STIL: variants seen among roughly 807,000 people sequenced by gnomAD.
The protein encoded by STIL is STIL centriolar assembly protein.
In STIL, 55 loss-of-function variants were observed where a neutral mutation model predicts 110.1. That is an observed-to-expected ratio of 0.50 (90% confidence interval 0.40 to 0.63). The LOEUF (loss-of-function observed/expected upper bound fraction) is 0.63, where lower values mean the gene tolerates loss of function less well. Ranked by LOEUF, STIL falls within the 20% of genes least tolerant of loss-of-function variation. The pLI is 0.00. For synonymous variants in STIL, 481 were observed against 530.0 expected (o/e 0.91, Z 1.27); for missense variants, 1,358 against 1,530.0 (o/e 0.89, Z 1.87).
chr1:47,272,018 C>A (rs1644855711), intron 13 of STIL, 58 bp downstream of exon 13: 1 of 1,575,310 alleles, frequency 6.3e-7, no homozygotes, highest in Non-Finnish European at 8.6e-7. Flanking sequence ...ATTCAAAAAC[C>A]AGATATGAAA....
intron 2 of STIL, among the ~76,000 whole-genome samples, chr1:47,305,531 C>T (rs1159129027): frequency 2.6e-5 from 4 of 151,696 alleles, no homozygotes; most frequent in South Asian, 2.1e-4. Flanking sequence ...CAGGTTGAAG[C>T]GATTCTCCAG....
In STIL at chr1:47,263,149, G is replaced by C. The variant is rs764669952; in HGVS notation, c.2616-33C>G. On this transcript the variant is annotated intron_variant, in intron 14 of 16. Coordinates refer to ENST00000371877, the MANE Select transcript of STIL (RefSeq NM_001048166.1). ...GGATATATAATGTGTTAGTCATTGA[G>C]GTACCTTTAACATATAATTGAAATG... The C allele has an allele frequency of 2.5e-6, 4 of 1,581,810 alleles. No individual in the cohort carries two copies. The African/African-American group carries it at 5.4e-5, about 21-fold the overall frequency.
intron 16 of STIL, among the ~76,000 whole-genome samples, chr1:47,259,660 C>G (rs1644429130): frequency 6.6e-6 from 1 of 152,122 alleles, no homozygotes; most frequent in Non-Finnish European, 1.5e-5. Context: ...ATCTTACACT[C>G]TCTTCTGTAT....
At chr1:47,252,870 T>A (rs1644226918) in intron 16 of STIL, among the ~76,000 whole-genome samples, 1 of 152,040 alleles carries the variant, frequency 6.6e-6, no homozygotes, top group Non-Finnish European at 1.5e-5. Context: ...CTTTGATTAG[T>A]GTTAAGTCAA....
chr1:47,300,130 C>T lies in STIL; in HGVS notation c.476G>A (p.Ser159Asn), dbSNP rs1479547174. 1.2e-6 allele frequency: 2 copies of T among 1,613,984 alleles called. No homozygotes were observed. Among genetic ancestry groups the T allele is most frequent in the Non-Finnish European group, 1.7e-6 (2 of 1,179,966 alleles). Residue 159 changes from serine to asparagine, a missense_variant, in exon 6 of 17, where the codon AGC becomes AAC. Coordinates refer to ENST00000371877, the MANE Select transcript of STIL (RefSeq NM_001048166.1). ...ALKALQCHIC[S>N]KDSLDCGKLL... Reference sequence around the variant, plus strand: ...CTTACCACAGTCCAAGGAATCTTTGCTACATATATGGCACTGTAGAGCCTG... The same window carrying T: ...CTTACCACAGTCCAAGGAATCTTTGTTACATATATGGCACTGTAGAGCCTG...
At chr1:47,260,261 C>T in intron 16 of STIL, 28 bp downstream of exon 16, 1 of 1,590,022 alleles carries the variant, frequency 6.3e-7, no homozygotes, top group Non-Finnish European at 8.5e-7. Flanking sequence ...AATTTATTCA[C>T]TCTTTAAAAC....
intron 13 of STIL, among the ~76,000 whole-genome samples, chr1:47,270,244 ATATAT>A (rs1644787613): frequency 1.2e-5 from 1 of 82,134 alleles, no homozygotes; most frequent in Non-Finnish European, 2.4e-5. Flanking sequence ...AAAAAAAAAT[ATATAT>A]ATATATACAC....
chr1:47,301,874 A>G, intron 4 of STIL, 126 bp from the exon 5 acceptor site: 3 of 858,236 alleles, frequency 3.5e-6, no homozygotes, highest in Non-Finnish European at 5.6e-6. Flanking sequence ...TTAAATACTA[A>G]ACTAAACTCT....
chr1:47,313,504 G>A (rs1270191460), intron 1 of STIL, among the ~76,000 whole-genome samples: 1 of 151,954 alleles, frequency 6.6e-6, no homozygotes, highest in Non-Finnish European at 1.5e-5. Context: ...TATCTGCACA[G>A]GATGCCTCCC....
chr1:47,299,520 G>A (rs1362674968), intron 6 of STIL, among the ~76,000 whole-genome samples: 2 of 151,350 alleles, frequency 1.3e-5, no homozygotes, highest in Non-Finnish European at 2.9e-5. Flanking sequence ...AACCTCCCGA[G>A]TAACTGGGAC....
intron 3 of STIL, among the ~76,000 whole-genome samples, chr1:47,304,471 G>C (rs936367824): frequency 2.6e-5 from 4 of 152,086 alleles, no homozygotes; most frequent in Non-Finnish European, 2.9e-5. Context: ...AACCTCAATA[G>C]ATCTATTTTC....
chr1:47,297,215 G>A (rs981616337), intron 6 of STIL, among the ~76,000 whole-genome samples: 30 of 152,132 alleles, frequency 2.0e-4, no homozygotes, highest in Non-Finnish European at 1.5e-5. Flanking sequence ...GGTGACGGGC[G>A]CCTGTAATCC....
At position 47,251,439 on chromosome 1, in the gene STIL, C is replaced by T. The variant is rs761233612; in HGVS notation, c.3564G>A (p.Gly1188=). 1.9e-6 allele frequency: 3 copies of T among 1,614,176 alleles called. No individual in the cohort carries two copies. The South Asian group carries it at 3.3e-5, about 18-fold the overall frequency. ...TCAATACTGGCGTATCTGCGTTGGTCCCCACAGATTCACAGTTAGAACAAT... is the reference window on the plus strand; with the variant it reads ...TCAATACTGGCGTATCTGCGTTGGTTCCCACAGATTCACAGTTAGAACAAT... ...IINCSNCESV[G]TNADTPVLRN... Residue 1188 remains glycine, a synonymous_variant, in exon 17 of 17, where the codon GGG becomes GGA. Coordinates refer to ENST00000371877, the MANE Select transcript of STIL (RefSeq NM_001048166.1).
intron 8 of STIL, among the ~76,000 whole-genome samples, chr1:47,290,361 G>GT (rs1225138125): frequency 1.3e-5 from 2 of 152,202 alleles, no homozygotes; most frequent in Non-Finnish European, 2.9e-5. Flanking sequence ...GTTTCTCTAT[G>GT]TATTTTACAT....
chr1:47,289,955 A>AAAAAAAAAAAAAAAAC (rs1557753515), intron 8 of STIL, among the ~76,000 whole-genome samples: 1 of 149,870 alleles, frequency 6.7e-6, no homozygotes. Flanking sequence ...AAAAAAAAAA[A>AAAAAAAAAAAAAAAAC]AAAGGAATAA....
rs1473046172 is a variant in STIL at position 47,272,087 on chromosome 1, G to T, written c.2372C>A (p.Ala791Asp). Residue 791 changes from alanine to aspartate, a missense_variant, in exon 13 of 17, where the codon GCT (alanine) becomes GAT (aspartate). By Grantham distance (126) the Ala-to-Asp change is moderately radical. Coordinates refer to ENST00000371877, the MANE Select transcript of STIL (RefSeq NM_001048166.1). Reference sequence around the variant, plus strand: ...AAAACTGAAATTACCTGTGCTCACAGCAATGCTTACACCTTTTCTCATGTG... The same window carrying T: ...AAAACTGAAATTACCTGTGCTCACATCAATGCTTACACCTTTTCTCATGTG... ...GLHMRKGVSI[A>D]VSTGASLFWN... The T allele has an allele frequency of 6.2e-6, 10 of 1,613,890 alleles. No individual in the cohort carries two copies. Among genetic ancestry groups the T allele is most frequent in the Non-Finnish European group, 5.9e-6 (7 of 1,179,974 alleles).
At position 47,260,388 on chromosome 1, in the gene STIL, C is replaced by A. The variant is rs1164859936; in HGVS notation, c.2981G>T (p.Cys994Phe). The change falls in exon 16 of 17, where the codon TGT (cysteine) becomes TTT (phenylalanine). Residue 994 changes from cysteine to phenylalanine, a missense_variant. By Grantham distance (205) the Cys-to-Phe change is radical. Transcript: ENST00000371877. ...THHSRLVDKDCVLNATLKQLR... is the reference protein window; with the variant it reads ...THHSRLVDKDFVLNATLKQLR... The stretch of plus-strand genomic sequence containing the variant: ...TTGCTTAAGAGTTGCATTAAGGACA[C>A]AATCTTTGTCCACCAGTCTTGAATG... The A allele has an allele frequency of 6.2e-7, 1 of 1,614,136 alleles. No individual in the cohort carries two copies. Among genetic ancestry groups the A allele is most frequent in the Non-Finnish European group, 8.5e-7 (1 of 1,180,030 alleles).
intron 7 of STIL, among the ~76,000 whole-genome samples, chr1:47,293,783 G>A (rs559330830): frequency 1.1e-4 from 17 of 152,128 alleles, no homozygotes; most frequent in Admixed American, 2.0e-4. Flanking sequence ...GAGAGAGAGA[G>A]AGAGAAAGAG....
chr1:47,276,364 A>G (rs1436693349), intron 12 of STIL, among the ~76,000 whole-genome samples: 5 of 152,094 alleles, frequency 3.3e-5, no homozygotes, highest in African/African-American at 1.2e-4. Flanking sequence ...AAAATGCAAA[A>G]CACTTAAGAC....
Sources: allele counts gnomAD v4.1 joint callset (sites outside exome capture counted in the v4.1 genomes callset), GRCh38; gene constraint gnomAD v4.1.1; transcripts MANE v1.5; gene names NCBI Gene and HGNC (gene_info 2026-07-23, HGNC 2026-07-21).